PPARGC1B: variants seen among roughly 807,000 people sequenced by gnomAD.
PPARGC1B encodes PPARG coactivator 1 beta.
PPARGC1B carries 34 observed loss-of-function variants against 101.6 expected under a neutral mutation model. That is an observed-to-expected ratio of 0.33 (90% CI 0.25 to 0.45). PPARGC1B has a LOEUF of 0.45. PPARGC1B is among the 20% of genes least tolerant of loss of function. The probability of loss-of-function intolerance (pLI) is 1.00; values close to 1 mark genes in which losing one functional copy is unlikely to be tolerated. For missense variants in PPARGC1B, 1,234 were observed against 1,317.6 expected (o/e 0.94, Z 0.98); for synonymous variants, 548 against 539.3 (o/e 1.02, Z -0.22).
chr5:149,830,056 A>AAAAAAAAAAAAAAAC, intron 3 of PPARGC1B, among the ~76,000 whole-genome samples: 1 of 58,564 alleles, frequency 1.7e-5, no homozygotes, highest in South Asian at 5.4e-4. Context: ...AAAAAAAAAG[A>AAAAAAAAAAAAAAAC]AAAAAAAAAA....
chr5:149,845,507 C>T (rs1759514940), intron 10 of PPARGC1B: 2 of 503,998 alleles, frequency 4.0e-6, no homozygotes, highest in Non-Finnish European at 7.0e-6. Context: ...GTACCCACCT[C>T]ACAGGCTCAT....
intron 1 of PPARGC1B, among the ~76,000 whole-genome samples, chr5:149,784,713 G>A (rs891725398): frequency 5.3e-4 from 81 of 151,890 alleles, no homozygotes; most frequent in African/African-American, 1.9e-3. Context: ...GACTACAGGC[G>A]CCCGCCACCA....
chr5:149,830,845 G>T lies in PPARGC1B; in HGVS notation c.544G>T (p.Ala182Ser), dbSNP rs201569269. 83 of 1,614,064 alleles carry T rather than the reference G, an allele frequency of 5.1e-5. No homozygotes were observed. Among genetic ancestry groups the T allele is most frequent in the South Asian group, 4.9e-4 (45 of 91,066 alleles). Residue 182 changes from alanine to serine, a missense_variant, in exon 4 of 12, where the codon GCA becomes TCA. Ala to Ser is a moderately conservative substitution (Grantham distance 99, BLOSUM62 1). Coordinates refer to ENST00000309241, the MANE Select transcript of PPARGC1B (RefSeq NM_133263.4). ...TQKEGTAWRQ[A>S]GLRSKSQRPC... The stretch of plus-strand genomic sequence containing the variant: ...GAAGGAAGGGACCGCCTGGCGCCAG[G>T]CAGGCCTCAGATCTAAAAGTCAACG...
chr5:149,836,464 A>G lies in PPARGC1B; in HGVS notation c.2009A>G (p.His670Arg), dbSNP rs762808255. 1 of 1,614,044 alleles carries G rather than the reference A, an allele frequency of 6.2e-7. No homozygotes were observed. Residue 670 changes from histidine to arginine, a missense_variant, in exon 8 of 12, where the codon CAT becomes CGT. By Grantham distance (29) the His-to-Arg change is conservative. Around this residue, in one of 3 missense-constraint regions of PPARGC1B, gnomAD observed 497 missense variants for 529.5 expected, o/e 0.94. Coordinates refer to ENST00000309241, the MANE Select transcript of PPARGC1B (RefSeq NM_133263.4). ...AGTGAGCTCCTGTCCCACCTGCGACATGCCACAGCCCAGCCAGCCTCCCAG... is the reference window on the plus strand; with the variant it reads ...AGTGAGCTCCTGTCCCACCTGCGACGTGCCACAGCCCAGCCAGCCTCCCAG... ...ERSELLSHLRHATAQPASQAG... is the reference protein window; with the variant it reads ...ERSELLSHLRRATAQPASQAG...
chr5:149,821,649 GCAAGCGTCCTCTC>G (rs1408243411), intron 2 of PPARGC1B, among the ~76,000 whole-genome samples: 2 of 152,118 alleles, frequency 1.3e-5, no homozygotes, highest in African/African-American at 2.4e-5. Flanking sequence ...GTGGTGTGCC[GCAAGCGTCCTCTC>G]CAAGCGTCCT....
In PPARGC1B at chr5:149,736,917, T is replaced by G. The variant is rs190567681; in HGVS notation, c.78+6497T>G. ...GTAGATTTGTTATAATTGATGAACC[T>G]ACATTGACACATCATTGCCACCCCA... On this transcript the variant is annotated intron_variant, in intron 1 of 11. Transcript: ENST00000309241. 8.2e-4 allele frequency among the ~76,000 whole-genome samples: 125 copies of G among 152,268 alleles called. 1 individual carries two copies. The highest frequency in any genetic ancestry group is 2.7e-3 in the African/African-American group (111 of 41,540).
At chr5:149,820,187 C>T (rs963850230) in intron 1 of PPARGC1B, among the ~76,000 whole-genome samples, 1 of 152,170 alleles carries the variant, frequency 6.6e-6, no homozygotes, top group Admixed American at 6.5e-5. Flanking sequence ...TGTATGTGGG[C>T]AGGGCCTTGA....
intron 1 of PPARGC1B, among the ~76,000 whole-genome samples, chr5:149,814,865 G>T (rs1350544824): frequency 6.6e-6 from 1 of 152,238 alleles, no homozygotes; most frequent in Non-Finnish European, 1.5e-5. Context: ...GCTGGAGAAG[G>T]GGGGCCCACG....
chr5:149,786,098 T>A (rs1057110579), intron 1 of PPARGC1B, among the ~76,000 whole-genome samples: 1 of 151,396 alleles, frequency 6.6e-6, no homozygotes, highest in Non-Finnish European at 1.5e-5. Context: ...GATTTTTGTT[T>A]TGTTTTGTTT....
At chr5:149,820,811 T>C (rs193175325) in intron 2 of PPARGC1B, among the ~76,000 whole-genome samples, 176 of 152,274 alleles carry the variant, frequency 1.2e-3, no homozygotes, top group African/African-American at 3.9e-3. Flanking sequence ...CCTTGCTGTG[T>C]CACCTCCAGA....
intron 1 of PPARGC1B, among the ~76,000 whole-genome samples, chr5:149,784,991 T>C (rs1337765581): frequency 6.6e-6 from 1 of 152,186 alleles, no homozygotes; most frequent in East Asian, 1.9e-4. Context: ...CAGCACAAGA[T>C]AGGTGCCTGG....
At chr5:149,752,385 GC>G (rs1189570252) in intron 1 of PPARGC1B, among the ~76,000 whole-genome samples, 3 of 152,218 alleles carry the variant, frequency 2.0e-5, no homozygotes, top group African/African-American at 7.2e-5. Context: ...GATTGGTGGG[GC>G]TCACGCAGAG....
chr5:149,825,154 C>G (rs1758463124), intron 2 of PPARGC1B, among the ~76,000 whole-genome samples: 1 of 152,232 alleles, frequency 6.6e-6, no homozygotes, highest in African/African-American at 2.4e-5. Context: ...ACGTGCTCTC[C>G]ACACCAGGCC....
At chr5:149,768,596 A>G (rs1002179755) in intron 1 of PPARGC1B, among the ~76,000 whole-genome samples, 1 of 148,356 alleles carries the variant, frequency 6.7e-6, no homozygotes, top group Non-Finnish European at 1.5e-5. Flanking sequence ...AGTGCCCACC[A>G]CCACGTCTGG....
Position 149,807,994 on chromosome 5 carries a change from A to G in PPARGC1B, c.79-12439A>G, listed in dbSNP as rs1183000110. 4.6e-5 allele frequency among the ~76,000 whole-genome samples: 7 copies of G among 152,324 alleles called. No homozygotes were observed. In the East Asian group the frequency reaches 1.3e-3, roughly 29 times the overall value. ...TCAGTCGTCAAGATCAATCCTATTT[A>G]TATCAGTGTTTAAAAAATAATTGAT... On this transcript the variant is annotated intron_variant, in intron 1 of 11. Transcript: ENST00000309241.
At chr5:149,813,941 C>G (rs904201795) in intron 1 of PPARGC1B, among the ~76,000 whole-genome samples, 3 of 152,140 alleles carry the variant, frequency 2.0e-5, no homozygotes, top group African/African-American at 7.2e-5. Context: ...GGGTACGCAT[C>G]CCATTCATGA....
rs776091872 is a variant in PPARGC1B, at chr5:149,835,373, A to AG, written c.1807+13dup. Reference sequence around the variant, plus strand: ...AGCTCTGTGGCACAGCAGGTGAGCCAGGGGGCTTCCACTGGCAGGTGCCTT... The same window carrying AG: ...AGCTCTGTGGCACAGCAGGTGAGCCAGGGGGGCTTCCACTGGCAGGTGCCTT... On this transcript the variant is annotated intron_variant, in intron 7 of 11. Coordinates refer to ENST00000309241, the MANE Select transcript of PPARGC1B (RefSeq NM_133263.4). The AG allele has an allele frequency of 1.2e-6, 2 of 1,613,536 alleles. No homozygotes were observed. Among genetic ancestry groups the AG allele is most frequent in the Non-Finnish European group, 1.7e-6 (2 of 1,179,648 alleles).
At chr5:149,855,250 G>T (rs1759918020), downstream of PPARGC1B, among the ~76,000 whole-genome samples, 1 of 152,140 alleles carries the variant, frequency 6.6e-6, no homozygotes, top group African/African-American at 2.4e-5. Flanking sequence ...GATCACTTGA[G>T]CCCAGGAGTT....
intron 1 of PPARGC1B, among the ~76,000 whole-genome samples, chr5:149,793,786 G>A (rs1727012591): frequency 6.6e-6 from 1 of 152,164 alleles, no homozygotes. Flanking sequence ...AAACCAACGA[G>A]GAGAAAACAG....
Sources: gnomAD v4.1 joint callset for allele counts (sites outside exome capture counted in the v4.1 genomes callset) on GRCh38, gnomAD v4.1.1 for gene constraint, gnomAD v4.1.1 regional missense constraint, MANE v1.5 for transcripts, NCBI Gene and HGNC (gene_info 2026-07-23, HGNC 2026-07-21) for gene names.